The following GALNT13 variants were observed in gnomAD, a reference collection of about 807,000 sequenced individuals.
The protein encoded by GALNT13 is UDP-GalNAc:polypeptide N-acetylgalactosaminyltransferase 13.
In GALNT13, 28 loss-of-function variants were observed where a neutral mutation model predicts 64.2. That is an observed-to-expected ratio of 0.44 (90% CI 0.32 to 0.60). GALNT13 has a LOEUF of 0.60. Among genes scored for constraint, GALNT13 ranks in the 20% least tolerant of loss-of-function variants. The pLI, the probability that GALNT13 is intolerant of heterozygous loss-of-function variation, is 0.05. For synonymous variants in GALNT13, 214 were observed against 224.6 expected, an observed-to-expected ratio of 0.95 and a Z score of 0.42; for missense variants, 577 against 669.8, an observed-to-expected ratio of 0.86 and a Z score of 1.53.
intron 2 of GALNT13, among the ~76,000 whole-genome samples, chr2:153,912,988 G>A (rs968541710): frequency 7.2e-5 from 11 of 152,174 alleles, no homozygotes; most frequent in Non-Finnish European, 1.5e-4. Context: ...GTTTGCAGCA[G>A]TGGTGATGGC....
At chr2:153,555,154 TG>T in the GALNT13 span, among the ~76,000 whole-genome samples, 1 of 151,968 alleles carries the variant, frequency 6.6e-6, no homozygotes, top group African/African-American at 2.4e-5. Context: ...AGTATAATTT[TG>T]GTTAGAATTT....
At chr2:153,188,129 T>A in the GALNT13 span, among the ~76,000 whole-genome samples, 1 of 152,040 alleles carries the variant, frequency 6.6e-6, no homozygotes, top group Admixed American at 6.6e-5. Flanking sequence ...AAATATTGTT[T>A]CCTTATCATA....
At chr2:153,817,707 T>G in the GALNT13 span, among the ~76,000 whole-genome samples, 5 of 152,152 alleles carry the variant, frequency 3.3e-5, no homozygotes, top group Admixed American at 1.3e-4. Flanking sequence ...TTTCTTAACA[T>G]GCTTTAACGA....
At chr2:154,376,530 G>A (rs1698003405) in intron 9 of GALNT13, among the ~76,000 whole-genome samples, 1 of 152,000 alleles carries the variant, frequency 6.6e-6, no homozygotes, top group Non-Finnish European at 1.5e-5. Context: ...TTTTTTAAAA[G>A]TACACAGAGT....
chr2:154,250,015 A>C (rs895022623), intron 7 of GALNT13, among the ~76,000 whole-genome samples: 5 of 152,088 alleles, frequency 3.3e-5, no homozygotes, highest in Non-Finnish European at 5.9e-5. Context: ...ATCATAGAAG[A>C]AGCATTGAAA....
At chr2:154,114,015 A>C (rs1703134006) in intron 3 of GALNT13, among the ~76,000 whole-genome samples, 1 of 152,234 alleles carries the variant, frequency 6.6e-6, no homozygotes, top group Admixed American at 6.5e-5. Context: ...ATGATAATCC[A>C]CTGTCATTCT....
At chr2:153,132,291 T>G in the GALNT13 span, among the ~76,000 whole-genome samples, 1 of 152,176 alleles carries the variant, frequency 6.6e-6, no homozygotes, top group South Asian at 2.1e-4. Context: ...CCAGTTGCTC[T>G]TCTCTGACTG....
chr2:154,114,597 G>C (rs1703178784), intron 3 of GALNT13, among the ~76,000 whole-genome samples: 1 of 152,084 alleles, frequency 6.6e-6, no homozygotes, highest in Non-Finnish European at 1.5e-5. Flanking sequence ...TTCCTTAAGG[G>C]GACCGGGACT....
intron 9 of GALNT13, among the ~76,000 whole-genome samples, chr2:154,325,093 C>A (rs1180439983): frequency 3.3e-5 from 5 of 151,870 alleles, no homozygotes; most frequent in Non-Finnish European, 7.4e-5. Flanking sequence ...TGAGGCCAAA[C>A]CTTGGGGCAT....
intron 9 of GALNT13, among the ~76,000 whole-genome samples, chr2:154,354,080 G>A (rs1574143911): frequency 1.3e-5 from 2 of 152,076 alleles, no homozygotes; most frequent in East Asian, 3.9e-4. Context: ...GCTATCACTT[G>A]TCTCATTGAT....
intron 3 of GALNT13, among the ~76,000 whole-genome samples, chr2:154,003,579 T>C (rs780603011): frequency 2.0e-5 from 3 of 152,170 alleles, no homozygotes; most frequent in Non-Finnish European, 4.4e-5. Context: ...TTAATTTTCT[T>C]TTAAGTATTG....
the GALNT13 span, among the ~76,000 whole-genome samples, chr2:153,596,649 T>C: frequency 6.6e-6 from 1 of 152,092 alleles, no homozygotes; most frequent in African/African-American, 2.4e-5. Flanking sequence ...TAACATGTTT[T>C]TAACATGACA....
chr2:153,757,181 C>T, the GALNT13 span, among the ~76,000 whole-genome samples: 2 of 152,012 alleles, frequency 1.3e-5, no homozygotes, highest in Non-Finnish European at 2.9e-5. Flanking sequence ...CACCTATTAC[C>T]CTCCCCCACA....
chr2:154,055,272 G>T (rs1699838865), intron 3 of GALNT13, among the ~76,000 whole-genome samples: 1 of 151,984 alleles, frequency 6.6e-6, no homozygotes, highest in Admixed American at 6.6e-5. Flanking sequence ...TTCACCTTCA[G>T]GCATGTTTTC....
chr2:153,302,655 C>T, the GALNT13 span, among the ~76,000 whole-genome samples: 198 of 152,144 alleles, frequency 1.3e-3, 6 homozygotes, highest in East Asian at 0.036. Flanking sequence ...GAAATTTTCC[C>T]GTGTTTTCTT....
chr2:153,549,066 A>G, the GALNT13 span, among the ~76,000 whole-genome samples: 2 of 152,182 alleles, frequency 1.3e-5, no homozygotes, highest in African/African-American at 4.8e-5. Context: ...AGGGAAATCC[A>G]TAGAGACACA....
intron 9 of GALNT13, among the ~76,000 whole-genome samples, chr2:154,329,463 A>G (rs987062283): frequency 1.3e-5 from 2 of 152,178 alleles, no homozygotes; most frequent in African/African-American, 4.8e-5. Context: ...AGTCAAATTT[A>G]TCAGTTTTTT....
chr2:153,990,262 G>C (rs994077700), intron 3 of GALNT13, among the ~76,000 whole-genome samples: 1 of 152,062 alleles, frequency 6.6e-6, no homozygotes, highest in Non-Finnish European at 1.5e-5. Context: ...TTTTAAAAAT[G>C]ATGAGGAAGA....
chr2:153,638,099 G>A, the GALNT13 span, among the ~76,000 whole-genome samples: 1 of 151,340 alleles, frequency 6.6e-6, no homozygotes, highest in South Asian at 2.1e-4. Flanking sequence ...TCCAAGAAGA[G>A]GGAGGGGAAT....
Sources: allele counts gnomAD v4.1 joint callset (sites outside exome capture counted in the v4.1 genomes callset), GRCh38; gene constraint gnomAD v4.1.1; transcripts MANE v1.5; gene names NCBI Gene and HGNC (gene_info 2026-07-23, HGNC 2026-07-21).